Variants in EPHA6 observed in about 807,000 individuals in gnomAD.
EPHA6 encodes ephrin type-A receptor 6.
EPHA6 carries 50 observed loss-of-function variants against 112.0 expected under a neutral mutation model. The observed-to-expected ratio is 0.45, with a 90% CI of 0.36 to 0.56. EPHA6 has a LOEUF of 0.56. Among genes scored for constraint, EPHA6 ranks in the 20% least tolerant of loss-of-function variants. The pLI, the probability that EPHA6 is intolerant of heterozygous loss-of-function variation, is 0.00. For missense variants in EPHA6, 1,280 were observed against 1,417.4 expected (o/e 0.90, Z 1.56); for synonymous variants, 529 against 490.7 (o/e 1.08, Z -1.03).
chr3:97,756,026 T>G lies in EPHA6; in HGVS notation c.*7325T>G, dbSNP rs987501081. Reference sequence around the variant, plus strand: ...TGTATGCATTTAGATAGAAATTGCTTTTGTTAAATTTACATTTAAACACAT... The same window carrying G: ...TGTATGCATTTAGATAGAAATTGCTGTTGTTAAATTTACATTTAAACACAT... On this transcript the variant is annotated 3_prime_UTR_variant, in exon 18 of 18. Coordinates refer to ENST00000389672, the MANE Select transcript of EPHA6 (RefSeq NM_001080448.3). Among the ~76,000 whole-genome samples the G allele has an allele frequency of 3.9e-5, 6 of 152,056 alleles. No individual in the cohort carries two copies. Among genetic ancestry groups the G allele is most frequent in the Non-Finnish European group, 8.8e-5 (6 of 67,894 alleles).
chr3:97,075,625 C>T (rs1047272541), intron 3 of EPHA6, among the ~76,000 whole-genome samples: 1 of 151,720 alleles, frequency 6.6e-6, no homozygotes, highest in African/African-American at 2.4e-5. Context: ...CATGTCTCCC[C>T]TTTTTATTGC....
intron 2 of EPHA6, among the ~76,000 whole-genome samples, chr3:96,897,152 A>G (rs1484254277): frequency 6.6e-6 from 1 of 151,992 alleles, no homozygotes; most frequent in Middle Eastern, 3.2e-3. Context: ...TGTATTTTAT[A>G]CTACTTTTCA....
intron 10 of EPHA6, among the ~76,000 whole-genome samples, chr3:97,513,859 A>T (rs1468981374): frequency 6.6e-6 from 1 of 152,204 alleles, no homozygotes; most frequent in Non-Finnish European, 1.5e-5. Flanking sequence ...GCAATTAGAT[A>T]AAAAAGCTTT....
At chr3:96,947,314 G>C (rs976079491) in intron 2 of EPHA6, among the ~76,000 whole-genome samples, 2 of 152,088 alleles carry the variant, frequency 1.3e-5, no homozygotes, top group Non-Finnish European at 2.9e-5. Flanking sequence ...ATGGTTTTAG[G>C]TCTAACATTT....
At chr3:97,032,191 G>A (rs916568006) in intron 3 of EPHA6, among the ~76,000 whole-genome samples, 11 of 152,060 alleles carry the variant, frequency 7.2e-5, no homozygotes, top group African/African-American at 1.7e-4. Context: ...GAAAACTATC[G>A]CAAGGACAAA....
At chr3:97,027,089 C>T (rs1174047348) in intron 3 of EPHA6, among the ~76,000 whole-genome samples, 5 of 152,054 alleles carry the variant, frequency 3.3e-5, no homozygotes, top group Admixed American at 3.3e-4. Flanking sequence ...ACATGTACAC[C>T]ATGGAATACA....
intron 3 of EPHA6, among the ~76,000 whole-genome samples, chr3:97,049,568 G>T (rs1015856445): frequency 3.9e-5 from 6 of 152,182 alleles, no homozygotes; most frequent in African/African-American, 1.4e-4. Context: ...TTATTGATCA[G>T]TACACAAATT....
chr3:96,949,802 C>T (rs2107715614), intron 2 of EPHA6, among the ~76,000 whole-genome samples: 2 of 152,248 alleles, frequency 1.3e-5, no homozygotes, highest in South Asian at 4.1e-4. Flanking sequence ...CTCTCTAGGA[C>T]ATCTCATTTA....
At chr3:97,722,511 G>A (rs192479034) in intron 15 of EPHA6, among the ~76,000 whole-genome samples, 223 of 152,236 alleles carry the variant, frequency 1.5e-3, no homozygotes, top group Non-Finnish European at 2.5e-3. Flanking sequence ...CATGGGCAAG[G>A]AGAAGAGGAA....
chr3:97,669,111 C>T (rs971548914), intron 14 of EPHA6, among the ~76,000 whole-genome samples: 8 of 151,798 alleles, frequency 5.3e-5, no homozygotes, highest in East Asian at 1.9e-4. Flanking sequence ...CCCTGAGTTG[C>T]GAGATCCCAA....
At chr3:97,535,017 G>A (rs2092743833) in intron 11 of EPHA6, among the ~76,000 whole-genome samples, 2 of 150,628 alleles carry the variant, frequency 1.3e-5, no homozygotes, top group Admixed American at 1.3e-4. Flanking sequence ...CTCCTTATAT[G>A]TGAATTACAC....
intron 13 of EPHA6, among the ~76,000 whole-genome samples, chr3:97,629,037 T>A (rs2093881744): frequency 6.6e-6 from 1 of 151,872 alleles, no homozygotes; most frequent in Admixed American, 6.6e-5. Flanking sequence ...GGCTTGAAAT[T>A]CTCCCAACTC....
intron 5 of EPHA6, among the ~76,000 whole-genome samples, chr3:97,340,227 T>A (rs2083239009): frequency 6.6e-6 from 1 of 152,138 alleles, no homozygotes; most frequent in African/African-American, 2.4e-5. Flanking sequence ...AAGGCCTTTG[T>A]ATATGTAGAA....
At chr3:97,443,549 C>A (rs772915542) in intron 6 of EPHA6, among the ~76,000 whole-genome samples, 1 of 151,984 alleles carries the variant, frequency 6.6e-6, no homozygotes, top group Non-Finnish European at 1.5e-5. Context: ...CAGGCTTGAA[C>A]GAGAATACTG....
chr3:97,157,028 G>T (rs974243704), intron 3 of EPHA6, among the ~76,000 whole-genome samples: 1 of 152,124 alleles, frequency 6.6e-6, no homozygotes, highest in African/African-American at 2.4e-5. Flanking sequence ...TATTGAAGAA[G>T]AGTAGAGCTT....
chr3:97,014,666 A>G lies in EPHA6; in HGVS notation c.1114+26673A>G, dbSNP rs143689496. 3.7e-3 allele frequency among the ~76,000 whole-genome samples: 563 copies of G among 152,340 alleles called. 7 individuals are homozygous for G. Among genetic ancestry groups the G allele is most frequent in the African/African-American group, 0.012 (499 of 41,570 alleles). ...TGCCTGTGAATACAAAATATATCAT[A>G]TAATAATTCTGTACCTACTAATGAA... On this transcript the variant is annotated intron_variant, in intron 3 of 17. Coordinates refer to ENST00000389672, the MANE Select transcript of EPHA6 (RefSeq NM_001080448.3).
At chr3:96,989,683 G>A (rs1159695777) in intron 3 of EPHA6, among the ~76,000 whole-genome samples, 1 of 152,072 alleles carries the variant, frequency 6.6e-6, no homozygotes, top group African/African-American at 2.4e-5. Context: ...GGCAGAAGGC[G>A]AAGGGGAAGC....
At chr3:97,465,742 C>T (rs149137262) in intron 7 of EPHA6, among the ~76,000 whole-genome samples, 191 of 152,078 alleles carry the variant, frequency 1.3e-3, no homozygotes, top group African/African-American at 4.4e-3. Flanking sequence ...TGTGGTTAGC[C>T]GTGCTTCCAT....
intron 3 of EPHA6, among the ~76,000 whole-genome samples, chr3:97,130,133 C>T (rs542953983): frequency 1.6e-4 from 25 of 151,952 alleles, no homozygotes; most frequent in South Asian, 6.2e-4. Flanking sequence ...CTCTTTTTCT[C>T]GGGTGGTGGT....
Sources: allele counts gnomAD v4.1 joint callset (sites outside exome capture counted in the v4.1 genomes callset), GRCh38; gene constraint gnomAD v4.1.1; transcripts MANE v1.5; gene names NCBI Gene and HGNC (gene_info 2026-07-23, HGNC 2026-07-21).